Variants in NBEA observed in about 807,000 individuals in gnomAD.
The protein encoded by NBEA is lysosomal-trafficking regulator 2.
A neutral mutation model predicts 343.4 loss-of-function variants in NBEA; 44 were observed. That is an observed-to-expected ratio of 0.13 (90% CI 0.10 to 0.16). The LOEUF is 0.16. NBEA is among the 10% of genes least tolerant of loss of function. The pLI is 1.00. For missense variants in NBEA, 2,555 were observed against 3,631.3 expected, an observed-to-expected ratio of 0.70 and a Z score of 7.62; for synonymous variants, 1,175 against 1,238.7, an observed-to-expected ratio of 0.95 and a Z score of 1.08.
At chr13:35,202,689 G>T (rs2073104655) in intron 31 of NBEA, among the ~76,000 whole-genome samples, 1 of 152,036 alleles carries the variant, frequency 6.6e-6, no homozygotes, top group Non-Finnish European at 1.5e-5. Flanking sequence ...AATAGCATCT[G>T]TATGCTGATG....
intron 41 of NBEA, among the ~76,000 whole-genome samples, chr13:35,488,897 AT>A (rs1259067193): frequency 6.6e-6 from 1 of 151,854 alleles, no homozygotes; most frequent in African/African-American, 2.4e-5. Context: ...TATTCTGAGA[AT>A]TCTCAAAACA....
intron 33 of NBEA, among the ~76,000 whole-genome samples, chr13:35,220,156 C>G (rs896109387): frequency 6.6e-6 from 1 of 152,154 alleles, no homozygotes; most frequent in Non-Finnish European, 1.5e-5. Flanking sequence ...TCTAGTTTAA[C>G]TTAATTTACC....
At chr13:35,037,421 G>A (rs1316031267) in intron 1 of NBEA, among the ~76,000 whole-genome samples, 1 of 152,022 alleles carries the variant, frequency 6.6e-6, no homozygotes, top group African/African-American at 2.4e-5. Context: ...TAGTTCATTT[G>A]GTGAGGTCAT....
chr13:34,976,910 T>G (rs559978455), intron 1 of NBEA, among the ~76,000 whole-genome samples: 2 of 151,926 alleles, frequency 1.3e-5, no homozygotes, highest in Admixed American at 1.3e-4. Flanking sequence ...AATGCTATTT[T>G]GCTTCTAGAG....
rs202210739 is a variant in NBEA, at chr13:35,041,133, G to A, written c.495G>A (p.Leu165=). 6.2e-7 allele frequency: 1 copy of A among 1,612,002 alleles called. No individual in the cohort carries two copies. The highest frequency in any genetic ancestry group is 8.5e-7 in the Non-Finnish European group (1 of 1,179,356). ...TEVGLIEQVL[L]KMSAVDDMIA... ...TTGGGCTAATTGAACAAGTATTGCT[G>A]AAAATGAGTGCTGTAGATGACATGA... Residue 165 remains leucine, a synonymous_variant, in exon 2 of 59, where the codon CTG becomes CTA. Coordinates refer to ENST00000379939, the MANE Select transcript of NBEA (RefSeq NM_001385012.1).
chr13:35,302,422 G>C (rs1359373256), intron 35 of NBEA, among the ~76,000 whole-genome samples: 1 of 152,032 alleles, frequency 6.6e-6, no homozygotes, highest in Non-Finnish European at 1.5e-5. Flanking sequence ...ACATTGACTT[G>C]GTAAATTGAA....
chr13:35,446,748 T>C (rs1327708968), intron 39 of NBEA, among the ~76,000 whole-genome samples: 1 of 152,100 alleles, frequency 6.6e-6, no homozygotes, highest in Admixed American at 6.6e-5. Context: ...ACAAATAAAA[T>C]AACATTGAAA....
At chr13:35,413,685 C>T (rs942073872) in intron 38 of NBEA, among the ~76,000 whole-genome samples, 1 of 152,080 alleles carries the variant, frequency 6.6e-6, no homozygotes, top group African/African-American at 2.4e-5. Context: ...TATTAATTAT[C>T]ATAATACAAC....
At chr13:35,001,485 C>T (rs895746923) in intron 1 of NBEA, among the ~76,000 whole-genome samples, 25 of 151,980 alleles carry the variant, frequency 1.6e-4, no homozygotes, top group Admixed American at 9.9e-4. Flanking sequence ...GAATACTATT[C>T]GGCTATAAAA....
At chr13:35,333,245 A>T (rs2039039815) in intron 36 of NBEA, among the ~76,000 whole-genome samples, 1 of 152,294 alleles carries the variant, frequency 6.6e-6, no homozygotes, top group Middle Eastern at 3.4e-3. Flanking sequence ...AGCGCAAAAT[A>T]GAATGAATAA....
intron 35 of NBEA, among the ~76,000 whole-genome samples, chr13:35,299,816 C>T (rs2152824898): frequency 6.6e-6 from 1 of 152,302 alleles, no homozygotes; most frequent in African/African-American, 2.4e-5. Context: ...TTGCCAAGAG[C>T]TTGTTGTTGA....
chr13:35,472,669 G>T, intron 41 of NBEA, 133 bp downstream of exon 41: 4 of 839,098 alleles, frequency 4.8e-6, no homozygotes, highest in Middle Eastern at 2.2e-4. Context: ...TAAAATGAAT[G>T]AAATAGCATG....
intron 23 of NBEA, among the ~76,000 whole-genome samples, 185 bp from the exon 24 acceptor site, chr13:35,164,171 C>T (rs2069804890): frequency 6.6e-6 from 1 of 151,908 alleles, no homozygotes; most frequent in Non-Finnish European, 1.5e-5. Context: ...CAACAAAATC[C>T]TGTGGAGATG....
Position 35,480,646 on chromosome 13 carries a change from A to G in NBEA, c.6585+8110A>G, listed in dbSNP as rs890879512. Among the ~76,000 whole-genome samples, 83 of 152,106 alleles carry G rather than the reference A, an allele frequency of 5.5e-4. 1 individual carries two copies. The highest frequency in any genetic ancestry group is 1.8e-3 in the African/African-American group (76 of 41,544). On this transcript the variant is annotated intron_variant, in intron 41 of 58. Coordinates refer to ENST00000379939, the MANE Select transcript of NBEA (RefSeq NM_001385012.1). Reference sequence around the variant, plus strand: ...ACTGCTGGAGTGGCTTTGAAGGCTCATTGTAGCCATCTGATTTCTTTCCCC... The same window carrying G: ...ACTGCTGGAGTGGCTTTGAAGGCTCGTTGTAGCCATCTGATTTCTTTCCCC...
chr13:35,520,915 TG>T (rs1487779404), intron 41 of NBEA, among the ~76,000 whole-genome samples: 1 of 151,428 alleles, frequency 6.6e-6, no homozygotes, highest in Non-Finnish European at 1.5e-5. Context: ...TCTTTACTGA[TG>T]AGGAAAATTT....
At chr13:35,569,140 T>A (rs1373878301) in intron 45 of NBEA, among the ~76,000 whole-genome samples, 1 of 152,180 alleles carries the variant, frequency 6.6e-6, no homozygotes, top group Admixed American at 6.5e-5. Context: ...TGAATTGTGT[T>A]TCAAATAATG....
Position 34,988,732 on chromosome 13 carries a change from G to A in NBEA, c.294+45618G>A, listed in dbSNP as rs528041399. On this transcript the variant is annotated intron_variant, in intron 1 of 58. Transcript: ENST00000379939. ...ATTTGGTGATACTTCTTGTCTCGAC[G>A]TTTACTTTATCTAATAGTTATATTG... is the stretch of plus-strand genomic sequence containing the variant. Among the ~76,000 whole-genome samples, 57 of 151,104 alleles carry A rather than the reference G, an allele frequency of 3.8e-4. 1 individual carries two copies. Among genetic ancestry groups the A allele is most frequent in the African/African-American group, 1.3e-3 (53 of 41,482 alleles).
intron 33 of NBEA, among the ~76,000 whole-genome samples, chr13:35,219,694 G>A (rs1260063541): frequency 1.3e-5 from 2 of 152,076 alleles, no homozygotes; most frequent in Admixed American, 6.6e-5. Context: ...AGAACCAAGA[G>A]AGCCAGTGAT....
At chr13:35,509,955 A>G (rs1009591603) in intron 41 of NBEA, among the ~76,000 whole-genome samples, 1 of 152,220 alleles carries the variant, frequency 6.6e-6, no homozygotes, top group African/African-American at 2.4e-5. Flanking sequence ...AGTTTATTAA[A>G]TTTCATCTTG....
Sources: allele counts gnomAD v4.1 joint callset (sites outside exome capture counted in the v4.1 genomes callset), GRCh38; gene constraint gnomAD v4.1.1; transcripts MANE v1.5; gene names NCBI Gene and HGNC (gene_info 2026-07-23, HGNC 2026-07-21).